The following FBXL7 variants were observed in gnomAD, a reference collection of about 807,000 sequenced individuals.
FBXL7 encodes F-box/LRR-repeat protein 7.
A neutral mutation model predicts 38.3 loss-of-function variants in FBXL7; 12 were observed. The observed-to-expected ratio is 0.31, with a 90% CI of 0.20 to 0.51. The LOEUF (loss-of-function observed/expected upper bound fraction) is 0.51. Among genes scored for constraint, FBXL7 ranks in the 20% least tolerant of loss-of-function variants. The probability of loss-of-function intolerance (pLI) is 0.98; values close to 1 mark genes in which losing one functional copy is unlikely to be tolerated. For missense variants in FBXL7, 567 were observed against 676.4 expected (o/e 0.84, Z 1.79); for synonymous variants, 297 against 300.9 (o/e 0.99, Z 0.13).
intron 2 of FBXL7, among the ~76,000 whole-genome samples, chr5:15,915,354 A>G (rs1042582598): frequency 3.3e-5 from 5 of 152,312 alleles, no homozygotes; most frequent in Non-Finnish European, 7.4e-5. Context: ...AGAGATGTGG[A>G]GTAGGATCCT....
chr5:15,860,099 C>T (rs1739412917), intron 2 of FBXL7, among the ~76,000 whole-genome samples: 1 of 152,040 alleles, frequency 6.6e-6, no homozygotes, highest in South Asian at 2.1e-4. Context: ...ATATCTAGAA[C>T]TATTAAATAA....
At position 15,937,801 on chromosome 5, in the gene FBXL7, T is replaced by C. The variant is rs6554906; in HGVS notation, c.*615T>C. On this transcript the variant is annotated 3_prime_UTR_variant, in exon 4 of 4. Coordinates refer to ENST00000504595, the MANE Select transcript of FBXL7 (RefSeq NM_012304.5). Reference sequence around the variant, plus strand: ...GACATGCAGTCCTCCCCCAGCTCTGTCAATGACTATGACCTTGGCCAAAGC... The same window carrying C: ...GACATGCAGTCCTCCCCCAGCTCTGCCAATGACTATGACCTTGGCCAAAGC... 47,909 of 152,394 alleles carry C rather than the reference T, an allele frequency of 0.31. 8,499 individuals are homozygous for C. The highest frequency in any genetic ancestry group is 0.49 in the African/African-American group (20,343 of 41,418). The allele number at this position is 152,394 out of a possible 1,614,324, so 9.4% of individuals were successfully genotyped here.
At chr5:15,704,221 C>T (rs886653247) in intron 2 of FBXL7, among the ~76,000 whole-genome samples, 5 of 152,220 alleles carry the variant, frequency 3.3e-5, no homozygotes, top group Non-Finnish European at 5.9e-5. Flanking sequence ...TTGTGCTGCT[C>T]ATTAACATGT....
At chr5:15,532,603 C>T (rs548021409) in intron 1 of FBXL7, among the ~76,000 whole-genome samples, 82 of 152,330 alleles carry the variant, frequency 5.4e-4, no homozygotes, top group African/African-American at 1.9e-3. Context: ...CCAAAGCTGC[C>T]TGGTGGCCAG....
At chr5:15,531,225 A>G (rs756661892) in intron 1 of FBXL7, among the ~76,000 whole-genome samples, 5 of 152,198 alleles carry the variant, frequency 3.3e-5, no homozygotes, top group African/African-American at 7.2e-5. Flanking sequence ...TAGTAATACC[A>G]TGGAAGACAA....
At chr5:15,623,661 A>G (rs1415429540) in intron 2 of FBXL7, among the ~76,000 whole-genome samples, 1 of 152,222 alleles carries the variant, frequency 6.6e-6, no homozygotes, top group African/African-American at 2.4e-5. Context: ...CAAAATTTAC[A>G]TGAATCATCT....
At chr5:15,902,729 A>G (rs1163890096) in intron 2 of FBXL7, among the ~76,000 whole-genome samples, 2 of 152,370 alleles carry the variant, frequency 1.3e-5, no homozygotes, top group East Asian at 1.9e-4. Flanking sequence ...GAGTTGGTTC[A>G]GCAAGTCCTC....
At chr5:15,742,672 T>C (rs1339824961) in intron 2 of FBXL7, among the ~76,000 whole-genome samples, 2 of 152,204 alleles carry the variant, frequency 1.3e-5, no homozygotes, top group African/African-American at 4.8e-5. Context: ...CCTAAACATT[T>C]TAAAGCAATT....
chr5:15,852,625 C>T (rs1739131373), intron 2 of FBXL7, among the ~76,000 whole-genome samples: 1 of 151,920 alleles, frequency 6.6e-6, no homozygotes, highest in African/African-American at 2.4e-5. Context: ...ATACTGACTG[C>T]TGTTGGAGAA....
intron 1 of FBXL7, among the ~76,000 whole-genome samples, chr5:15,544,532 C>G (rs1317679032): frequency 6.6e-6 from 1 of 152,142 alleles, no homozygotes; most frequent in Non-Finnish European, 1.5e-5. Context: ...TACAGGCTCA[C>G]CCATTTTTAG....
intron 2 of FBXL7, among the ~76,000 whole-genome samples, chr5:15,883,167 T>C (rs996472413): frequency 6.6e-6 from 1 of 152,210 alleles, no homozygotes; most frequent in Non-Finnish European, 1.5e-5. Context: ...GTAGAAAATA[T>C]AAGGATTATG....
chr5:15,872,872 C>T (rs1423558647), intron 2 of FBXL7, among the ~76,000 whole-genome samples: 1 of 152,112 alleles, frequency 6.6e-6, no homozygotes, highest in African/African-American at 2.4e-5. Context: ...GACATATCAA[C>T]AAGACAGAAA....
At chr5:15,723,007 T>C (rs1279714988) in intron 2 of FBXL7, among the ~76,000 whole-genome samples, 2 of 151,934 alleles carry the variant, frequency 1.3e-5, no homozygotes, top group Admixed American at 1.3e-4. Flanking sequence ...GGATAATTCA[T>C]GTTACACAAT....
chr5:15,598,967 C>T (rs978969958), intron 1 of FBXL7, among the ~76,000 whole-genome samples: 3 of 152,164 alleles, frequency 2.0e-5, no homozygotes, highest in African/African-American at 7.2e-5. Flanking sequence ...CTCGTAGCTC[C>T]TCCTTCCTAC....
chr5:15,620,230 CTTTTTTT>C (rs796293132), intron 2 of FBXL7, among the ~76,000 whole-genome samples: 9 of 134,158 alleles, frequency 6.7e-5, no homozygotes, highest in African/African-American at 1.9e-4. Flanking sequence ...TTCTTTTTTT[CTTTTTTT>C]TTTTTTTTTG....
intron 2 of FBXL7, among the ~76,000 whole-genome samples, chr5:15,921,204 A>T (rs985298515): frequency 2.0e-5 from 3 of 152,060 alleles, no homozygotes; most frequent in Admixed American, 6.5e-5. Flanking sequence ...CAAATGCTGA[A>T]ACCCTATCTC....
At position 15,528,261 on chromosome 5, in the gene FBXL7, C is replaced by T. The variant is rs1010069362; in HGVS notation, c.37+27548C>T. On this transcript the variant is annotated intron_variant, in intron 1 of 3. Coordinates refer to ENST00000504595, the MANE Select transcript of FBXL7 (RefSeq NM_012304.5). ...CAGGAGTTTCTCTTCAGCTCATTTA[C>T]GTAGGATATAAGTCCCTTTAGCTTT... is the stretch of plus-strand genomic sequence containing the variant. 2.0e-5 allele frequency among the ~76,000 whole-genome samples: 3 copies of T among 152,136 alleles called. No individual in the cohort carries two copies. In the East Asian group the frequency reaches 5.8e-4, roughly 29 times the overall value.
At chr5:15,637,930 G>C (rs896675074) in intron 2 of FBXL7, among the ~76,000 whole-genome samples, 1 of 152,190 alleles carries the variant, frequency 6.6e-6, no homozygotes, top group Non-Finnish European at 1.5e-5. Context: ...AAGAACTGGA[G>C]ATTAGCCAAT....
At chr5:15,771,816 C>G (rs1229057054) in intron 2 of FBXL7, among the ~76,000 whole-genome samples, 2 of 138,140 alleles carry the variant, frequency 1.4e-5, no homozygotes, top group East Asian at 4.2e-4. Flanking sequence ...GCTCTTATTG[C>G]TCAGGCTGGA....
Sources: allele counts gnomAD v4.1 joint callset (sites outside exome capture counted in the v4.1 genomes callset), GRCh38; gene constraint gnomAD v4.1.1; transcripts MANE v1.5; gene names NCBI Gene and HGNC (gene_info 2026-07-23, HGNC 2026-07-21).